The following ADD2 variants were observed in gnomAD, a reference collection of about 807,000 sequenced individuals.
ADD2 encodes adducin 2.
Under a neutral mutation model 83.0 loss-of-function variants are expected in ADD2, and 23 were observed. The observed-to-expected ratio is 0.28, with a 90% confidence interval of 0.20 to 0.39. The LOEUF (loss-of-function observed/expected upper bound fraction) is 0.39. Ranked by LOEUF, ADD2 falls within the 10% of genes least tolerant of loss-of-function variation. ADD2 has a pLI of 1.00. For missense variants in ADD2, 758 were observed against 944.9 expected (o/e 0.80, Z 2.59); for synonymous variants, 375 against 375.4 (o/e 1.00, Z 0.01).
At chr2:70,751,674 C>T (rs1553382948) in intron 1 of ADD2, among the ~76,000 whole-genome samples, 1 of 152,192 alleles carries the variant, frequency 6.6e-6, no homozygotes, top group Non-Finnish European at 1.5e-5. Flanking sequence ...TGCTCTTCTC[C>T]AATCGAAACA....
At chr2:70,724,505 C>A (rs1453351029) in intron 1 of ADD2, among the ~76,000 whole-genome samples, 1 of 152,218 alleles carries the variant, frequency 6.6e-6, no homozygotes, top group Non-Finnish European at 1.5e-5. Context: ...CCGACACACA[C>A]TATGCACGTG....
At position 70,703,150 on chromosome 2, in the gene ADD2, A is replaced by G. The variant is rs1327863123; in HGVS notation, c.322+1171T>C. On this transcript the variant is annotated intron_variant, in intron 4 of 15. Transcript: ENST00000264436. Reference sequence around the variant, plus strand: ...AAGGAAAGAAAAGAAAAAGGAAAGGAAGAAGAAAAGAAAAGAAAGAAAAGA... The same window carrying G: ...AAGGAAAGAAAAGAAAAAGGAAAGGGAGAAGAAAAGAAAAGAAAGAAAAGA... Among the ~76,000 whole-genome samples the G allele has an allele frequency of 7.8e-5, 11 of 141,380 alleles. 1 individual carries two copies. The highest frequency in any genetic ancestry group is 7.1e-4 in the Admixed American group (10 of 14,114). The allele number at this position is 141,380 out of a possible 152,430, so 92.8% of individuals were successfully genotyped here. A position where few individuals can be genotyped will look rare whatever the true frequency, so the allele number is the denominator to read the frequency against.
intron 1 of ADD2, among the ~76,000 whole-genome samples, chr2:70,764,177 C>G (rs1440566497): frequency 6.6e-6 from 1 of 151,732 alleles, no homozygotes; most frequent in Non-Finnish European, 1.5e-5. Context: ...CGTGAGCCAC[C>G]GCGCCCGGCC....
chr2:70,767,719 C>G (rs1675481258), intron 1 of ADD2, 167 bp downstream of exon 1: 1 of 1,429,336 alleles, frequency 7.0e-7, no homozygotes, highest in African/African-American at 1.5e-5. Context: ...AACCTTTAGG[C>G]GCAAAACACA....
chr2:70,690,283 G>A (rs141947665), intron 8 of ADD2, among the ~76,000 whole-genome samples: 5,577 of 152,172 alleles, frequency 0.037, 311 homozygotes, highest in African/African-American at 0.12. Context: ...TTTTTGTAGA[G>A]ACAGGGTTTG....
chr2:70,685,250 A>G (rs570785361), intron 9 of ADD2, among the ~76,000 whole-genome samples: 27 of 152,334 alleles, frequency 1.8e-4, no homozygotes, highest in African/African-American at 6.5e-4. Context: ...ATGCAGGTCT[A>G]TGAACCCAAG....
chr2:70,676,647 G>T lies in ADD2; in HGVS notation c.1593+149C>A. 1 of 1,482,658 alleles carries T rather than the reference G, an allele frequency of 6.7e-7. No homozygotes were observed. The highest frequency in any genetic ancestry group is 9.0e-7 in the Non-Finnish European group (1 of 1,108,314). The allele number at this position is 1,482,658 out of a possible 1,614,324, so 91.8% of individuals were successfully genotyped here. A position where few individuals can be genotyped will look rare whatever the true frequency, so the allele number is the denominator to read the frequency against. Reference sequence around the variant, plus strand: ...TCCTCACAGCACCCCTGTGAGGTTGGCCTCCATTTTGCAGCAAGAGCACCG... The same window carrying T: ...TCCTCACAGCACCCCTGTGAGGTTGTCCTCCATTTTGCAGCAAGAGCACCG... On this transcript the variant is annotated intron_variant, in intron 13 of 15. Coordinates refer to ENST00000264436, the MANE Select transcript of ADD2 (RefSeq NM_001617.4). This position sits in a 1 kb window ranked among gnomAD's most constrained non-coding sequence, Gnocchi z 4.8.
intron 1 of ADD2, among the ~76,000 whole-genome samples, chr2:70,721,637 G>A (rs2863796): frequency 0.3 from 45,283 of 152,072 alleles, 7,181 homozygotes; most frequent in African/African-American, 0.41. Flanking sequence ...AGAAAGCCAC[G>A]TGTTTTCTGG....
intron 15 of ADD2, among the ~76,000 whole-genome samples, chr2:70,667,038 C>T (rs1232182981): frequency 6.6e-6 from 1 of 152,190 alleles, no homozygotes; most frequent in Non-Finnish European, 1.5e-5. Context: ...TGAGGACAGG[C>T]TCTGATAGCC....
intron 1 of ADD2, among the ~76,000 whole-genome samples, chr2:70,721,485 G>T (rs1672726632): frequency 6.6e-6 from 1 of 152,150 alleles, no homozygotes; most frequent in Non-Finnish European, 1.5e-5. Context: ...TGCTCCTTTT[G>T]AGTCCTACAG....
rs1675387578 is a variant in ADD2 at position 70,657,166 on chromosome 2, C to G, written c.*6259G>C. The G allele has an allele frequency of 6.6e-6, 1 of 152,226 alleles. No individual in the cohort carries two copies. The highest frequency in any genetic ancestry group is 2.4e-5 in the African/African-American group (1 of 41,528). The allele number at this position is 152,226 out of a possible 1,614,324, so 9.4% of individuals were successfully genotyped here. On this transcript the variant is annotated 3_prime_UTR_variant, in exon 16 of 16. Coordinates refer to ENST00000264436, the MANE Select transcript of ADD2 (RefSeq NM_001617.4). Reference sequence around the variant, plus strand: ...TGCATACTCAAGGGGGCCGGCATTTCAGTAGCAGAAAGAGTATTTACATGG... The same window carrying G: ...TGCATACTCAAGGGGGCCGGCATTTGAGTAGCAGAAAGAGTATTTACATGG...
chr2:70,688,220 A>T, intron 8 of ADD2, 98 bp from the exon 9 acceptor site: 1 of 887,412 alleles, frequency 1.1e-6, no homozygotes, highest in South Asian at 1.7e-5. Context: ...TTCCACAACC[A>T]ATCCCAGGGC....
At chr2:70,665,730 C>T (rs1294998844) in intron 15 of ADD2, among the ~76,000 whole-genome samples, 7 of 152,122 alleles carry the variant, frequency 4.6e-5, no homozygotes, top group African/African-American at 1.7e-4. Context: ...GTTCCCACTT[C>T]CAGGTAGAGT....
At chr2:70,680,546 C>T (rs1407745983) in intron 10 of ADD2, among the ~76,000 whole-genome samples, 2 of 152,132 alleles carry the variant, frequency 1.3e-5, no homozygotes, top group East Asian at 3.8e-4. Context: ...TCATACCTTC[C>T]CCCATTTTTG....
intron 9 of ADD2, among the ~76,000 whole-genome samples, chr2:70,684,590 G>T (rs1670624025): frequency 6.6e-6 from 1 of 152,128 alleles, no homozygotes; most frequent in Non-Finnish European, 1.5e-5. Flanking sequence ...GAAATAGGCT[G>T]GCTCCCAAGC....
intron 4 of ADD2, 24 bp downstream of exon 4, chr2:70,704,297 G>A: frequency 8.1e-7 from 1 of 1,240,568 alleles, no homozygotes; most frequent in Non-Finnish European, 1.1e-6. Context: ...CTCTGCTCCT[G>A]GCAGCTCCCC....
rs1475480168 is a variant in ADD2 at position 70,656,860 on chromosome 2, G to A, written c.*6565C>T. On this transcript the variant is annotated 3_prime_UTR_variant, in exon 16 of 16. Coordinates refer to ENST00000264436, the MANE Select transcript of ADD2 (RefSeq NM_001617.4). ...ACAGCACACACATACAGAAATTCAC[G>A]GGCAGAGATGCCACCGCAGCATCAC... 1.3e-5 allele frequency: 2 copies of A among 152,068 alleles called. No individual in the cohort carries two copies. The highest frequency in any genetic ancestry group is 2.9e-5 in the Non-Finnish European group (2 of 68,018). 9.4% of individuals were successfully genotyped at this position (152,068 alleles called of 1,614,324 possible).
chr2:70,664,814 T>C (rs1553365830), intron 15 of ADD2, among the ~76,000 whole-genome samples: 2 of 151,826 alleles, frequency 1.3e-5, no homozygotes, highest in Non-Finnish European at 1.5e-5. Context: ...TAAGTTTGAG[T>C]ATGCAAGTGA....
In ADD2 at chr2:70,678,693, C is replaced by A. The variant is rs977350505; in HGVS notation, c.1383+11G>T. On this transcript the variant is annotated intron_variant, in intron 11 of 15. Coordinates refer to ENST00000264436, the MANE Select transcript of ADD2 (RefSeq NM_001617.4). ...CCTCTCTGCCCGGGTCTGTCCTGGGCTCCCCCTTACCGTGGTCTTGGGTCG... is the reference window on the plus strand; with the variant it reads ...CCTCTCTGCCCGGGTCTGTCCTGGGATCCCCCTTACCGTGGTCTTGGGTCG... 4.5e-6 allele frequency: 7 copies of A among 1,544,310 alleles called. No individual in the cohort carries two copies. In the South Asian group the frequency reaches 7.6e-5, roughly 17 times the overall value.
Sources: gnomAD v4.1 joint callset for allele counts (sites outside exome capture counted in the v4.1 genomes callset) on GRCh38, gnomAD v4.1.1 for gene constraint, Gnocchi (gnomAD v3.1) non-coding constraint, MANE v1.5 for transcripts, NCBI Gene and HGNC (gene_info 2026-07-23, HGNC 2026-07-21) for gene names.